Variants in NFATC3 observed in about 807,000 individuals in gnomAD.
The protein encoded by NFATC3 is nuclear factor of activated T cells 3.
A neutral mutation model predicts 98.6 loss-of-function variants in NFATC3; 46 were observed. That is an observed-to-expected ratio of 0.47 (90% confidence interval 0.37 to 0.60). The LOEUF is 0.60. Among genes scored for constraint, NFATC3 ranks in the 20% least tolerant of loss-of-function variants. The probability of loss-of-function intolerance (pLI) is 0.00; values close to 1 mark genes in which losing one functional copy is unlikely to be tolerated. For synonymous variants in NFATC3, 512 were observed against 472.2 expected (o/e 1.08, Z -1.09); for missense variants, 1,256 against 1,295.5 (o/e 0.97, Z 0.47).
intron 9 of NFATC3, among the ~76,000 whole-genome samples, chr16:68,222,747 G>C (rs1472782978): frequency 1.3e-5 from 2 of 152,182 alleles, no homozygotes; most frequent in Non-Finnish European, 2.9e-5. Context: ...TGTTTCCTCA[G>C]TGGCAAGGTT....
chr16:68,157,770 T>C (rs1871976626), intron 3 of NFATC3, 99 bp from the exon 4 acceptor site: 1 of 828,262 alleles, frequency 1.2e-6, no homozygotes, highest in South Asian at 2.5e-5. Flanking sequence ...TGTGTGTCAA[T>C]AGTATATGAT....
Position 68,190,971 on chromosome 16 carries a change from C to G in NFATC3, c.2302C>G (p.Gln768Glu). Residue 768 changes from glutamine to glutamate, a missense_variant, in exon 9 of 10, where the codon CAG becomes GAG. Gln to Glu is a conservative substitution (Grantham distance 29). This residue lies in a region of NFATC3 where 636 missense variants were observed against 617.3 expected (regional missense o/e 1.03). Coordinates refer to ENST00000346183, the MANE Select transcript of NFATC3 (RefSeq NM_173165.3). ...GACCTCATCCCATCTGCCACAGTTG[C>G]AGTGTAGAGATGAGAGTGTTAGTAA... ...MVTSSHLPQL[Q>E]CRDESVSKEQ... 2 of 1,614,196 alleles carry G rather than the reference C, an allele frequency of 1.2e-6. No homozygotes were observed.
At chr16:68,110,392 T>C (rs2035881789) in intron 1 of NFATC3, among the ~76,000 whole-genome samples, 1 of 150,648 alleles carries the variant, frequency 6.6e-6, no homozygotes, top group South Asian at 2.1e-4. Context: ...CACTGTAAGC[T>C]CCGCCTCCCG....
At chr16:68,183,869 T>C (rs1443166011) in intron 8 of NFATC3, among the ~76,000 whole-genome samples, 1 of 151,604 alleles carries the variant, frequency 6.6e-6, no homozygotes, top group African/African-American at 2.4e-5. Flanking sequence ...TAGCCGGGTG[T>C]GGTGGTGCAT....
chr16:68,188,466 C>A (rs1195697193), intron 8 of NFATC3, among the ~76,000 whole-genome samples: 1 of 152,256 alleles, frequency 6.6e-6, no homozygotes, highest in Non-Finnish European at 1.5e-5. Flanking sequence ...CACCTGTTCC[C>A]AGCTCCCACC....
Position 68,085,642 on chromosome 16 carries a change from C to T in NFATC3, c.-40C>T. The T allele has an allele frequency of 1.4e-6, 2 of 1,471,758 alleles. No homozygotes were observed. Among genetic ancestry groups the T allele is most frequent in the Non-Finnish European group, 1.8e-6 (2 of 1,111,900 alleles). The allele number at this position is 1,471,758 out of a possible 1,614,324, so 91.2% of individuals were successfully genotyped here. A position where few individuals can be genotyped will look rare whatever the true frequency, so the allele number is the denominator to read the frequency against. Reference sequence around the variant, plus strand: ...TGCCGCCGCTTGCCGCTGCCGCCGCCGCCGCCTGAGGAGGAGCTGCAGCAC... The same window carrying T: ...TGCCGCCGCTTGCCGCTGCCGCCGCTGCCGCCTGAGGAGGAGCTGCAGCAC... On this transcript the variant is annotated 5_prime_UTR_variant, in exon 1 of 10. Transcript: ENST00000346183.
intron 9 of NFATC3, chr16:68,209,475 G>T (rs1598602945): frequency 5.1e-6 from 1 of 197,656 alleles, no homozygotes; most frequent in East Asian, 1.4e-4. Context: ...GCCACGGAAG[G>T]TGTTGCTGCT....
At chr16:68,214,411 T>C in intron 9 of NFATC3, 1 of 1,614,062 alleles carries the variant, frequency 6.2e-7, no homozygotes, top group Non-Finnish European at 8.5e-7. Context: ...CATGTCCAGC[T>C]CCTTTCTGGA....
chr16:68,191,302 A>T lies in NFATC3; in HGVS notation c.2633A>T (p.His878Leu), dbSNP rs367950579. 6.2e-7 allele frequency: 1 copy of T among 1,614,078 alleles called. No individual in the cohort carries two copies. Among genetic ancestry groups the T allele is most frequent in the African/African-American group, 1.3e-5 (1 of 74,930 alleles). The change falls in exon 9 of 10, where the codon CAT (histidine) becomes CTT (leucine). Residue 878 changes from histidine to leucine, a missense_variant. His to Leu is a moderately conservative substitution (Grantham distance 99). Coordinates refer to ENST00000346183, the MANE Select transcript of NFATC3 (RefSeq NM_173165.3). Reference protein sequence around the residue: ...HTPHSVHTLPHLQSMGYHCSN... With the variant: ...HTPHSVHTLPLLQSMGYHCSN... ...CCTCATTCTGTGCATACCCTGCCTC[A>T]TCTGCAATCAATGGGATATCATTGT...
intron 3 of NFATC3, among the ~76,000 whole-genome samples, chr16:68,149,114 A>G (rs1286260735): frequency 6.6e-6 from 1 of 152,146 alleles, no homozygotes; most frequent in Non-Finnish European, 1.5e-5. Flanking sequence ...TGGTGATTCT[A>G]TAGAGAGAAT....
intron 1 of NFATC3, among the ~76,000 whole-genome samples, chr16:68,094,373 A>G (rs1280155879): frequency 6.6e-6 from 1 of 152,062 alleles, no homozygotes; most frequent in African/African-American, 2.4e-5. Flanking sequence ...AATGCTCAAT[A>G]GTCAGGGTAG....
chr16:68,168,593 C>G lies in NFATC3; in HGVS notation c.1774+1578C>G, dbSNP rs998886965. On this transcript the variant is annotated intron_variant, in intron 5 of 9. Transcript: ENST00000346183. The stretch of plus-strand genomic sequence containing the variant: ...CTCCACCTCCCATGTTCAAGTGATT[C>G]TCCTGCCTCAGTCTCCTGAGTAGCT... 2.6e-5 allele frequency among the ~76,000 whole-genome samples: 4 copies of G among 152,136 alleles called. No homozygotes were observed. The South Asian group carries it at 8.3e-4, about 32-fold the overall frequency.
chr16:68,196,998 C>G (rs1311417934), intron 9 of NFATC3, among the ~76,000 whole-genome samples: 1 of 151,934 alleles, frequency 6.6e-6, no homozygotes, highest in Non-Finnish European at 1.5e-5. Context: ...CCATTGCAAT[C>G]CAGCCTGGGC....
At chr16:68,155,471 G>C (rs1359201165) in intron 3 of NFATC3, among the ~76,000 whole-genome samples, 2 of 152,188 alleles carry the variant, frequency 1.3e-5, no homozygotes, top group African/African-American at 4.8e-5. Flanking sequence ...CAAGACTGAA[G>C]AGCATAGAGA....
At chr16:68,119,363 C>A (rs2036454948) in intron 1 of NFATC3, among the ~76,000 whole-genome samples, 1 of 152,076 alleles carries the variant, frequency 6.6e-6, no homozygotes, top group Admixed American at 6.6e-5. Context: ...ATTACAGTAG[C>A]CTCCTAAATT....
At chr16:68,201,551 G>C (rs1258006240) in intron 9 of NFATC3, among the ~76,000 whole-genome samples, 3 of 151,316 alleles carry the variant, frequency 2.0e-5, no homozygotes, top group African/African-American at 7.3e-5. Context: ...TATTACAGGC[G>C]TGAGCCACTG....
intron 1 of NFATC3, among the ~76,000 whole-genome samples, chr16:68,087,269 A>T (rs1173207460): frequency 2.0e-5 from 3 of 152,260 alleles, no homozygotes; most frequent in Non-Finnish European, 4.4e-5. Context: ...ATGATCGATA[A>T]GGGTGTTAAC....
intron 9 of NFATC3, among the ~76,000 whole-genome samples, chr16:68,210,806 G>A (rs2041354441): frequency 6.6e-6 from 1 of 151,994 alleles, no homozygotes; most frequent in African/African-American, 2.4e-5. Flanking sequence ...GTTTGAGATG[G>A]AGTCTTGCTC....
At chr16:68,142,582 AC>A (rs2037812012) in intron 3 of NFATC3, among the ~76,000 whole-genome samples, 1 of 151,684 alleles carries the variant, frequency 6.6e-6, no homozygotes, top group Admixed American at 6.6e-5. Context: ...ACATGGTGAA[AC>A]CCTGTCTCTA....
Sources: gnomAD v4.1 joint callset for allele counts (sites outside exome capture counted in the v4.1 genomes callset) on GRCh38, gnomAD v4.1.1 for gene constraint, gnomAD v4.1.1 regional missense constraint, MANE v1.5 for transcripts, NCBI Gene and HGNC (gene_info 2026-07-23, HGNC 2026-07-21) for gene names.